The following MACROD2 variants were observed in gnomAD, a reference collection of about 807,000 sequenced individuals.
The protein encoded by MACROD2 is mono-ADP ribosylhydrolase 2, also known as ADP-ribose glycohydrolase MACROD2.
In MACROD2, 36 loss-of-function variants were observed where a neutral mutation model predicts 70.4. The ratio of observed to expected loss-of-function variants is 0.51; its 90% CI spans 0.39 to 0.68. The LOEUF (loss-of-function observed/expected upper bound fraction) is 0.68. MACROD2 is among the 30% of genes least tolerant of loss of function. MACROD2 has a pLI of 0.00. For missense variants in MACROD2, 496 were observed against 538.4 expected (o/e 0.92, Z 0.78); for synonymous variants, 172 against 178.8 (o/e 0.96, Z 0.30).
At chr20:15,524,517 A>G (rs769109943) in intron 8 of MACROD2, among the ~76,000 whole-genome samples, 4 of 152,282 alleles carry the variant, frequency 2.6e-5, no homozygotes, top group South Asian at 2.1e-4. Context: ...AAACATATCT[A>G]TGGGCCAGAT....
At chr20:15,344,552 C>T (rs960153161) in intron 6 of MACROD2, among the ~76,000 whole-genome samples, 5 of 152,080 alleles carry the variant, frequency 3.3e-5, no homozygotes, top group African/African-American at 9.7e-5. Flanking sequence ...CAGTTTTTTT[C>T]GTATAGAAAC....
At chr20:15,376,407 A>T (rs1166362613) in intron 6 of MACROD2, among the ~76,000 whole-genome samples, 1 of 152,212 alleles carries the variant, frequency 6.6e-6, no homozygotes, top group African/African-American at 2.4e-5. Context: ...ATATCTCTGC[A>T]TTGACTAACT....
At chr20:14,335,011 T>C (rs1249085945) in intron 3 of MACROD2, among the ~76,000 whole-genome samples, 1 of 152,160 alleles carries the variant, frequency 6.6e-6, no homozygotes. Flanking sequence ...GGTATGAACA[T>C]TGGCATATCA....
At chr20:14,834,843 AATATGTGTGTATATATATTT>A (rs1306766299) in intron 5 of MACROD2, among the ~76,000 whole-genome samples, 1 of 151,990 alleles carries the variant, frequency 6.6e-6, no homozygotes, top group African/African-American at 2.4e-5. Context: ...TGTCTATGAG[AATATGTGTGTATATATATTT>A]ATATGTGTGT....
At chr20:14,063,327 C>T (rs1405967322) in intron 2 of MACROD2, among the ~76,000 whole-genome samples, 1 of 152,150 alleles carries the variant, frequency 6.6e-6, no homozygotes, top group Non-Finnish European at 1.5e-5. Context: ...AGAAATTCTA[C>T]TTCTGTGGTC....
At chr20:16,037,404 G>T (rs1208895191) in intron 15 of MACROD2, among the ~76,000 whole-genome samples, 1 of 151,810 alleles carries the variant, frequency 6.6e-6, no homozygotes, top group Non-Finnish European at 1.5e-5. Flanking sequence ...AACTTAGAAA[G>T]ATATTTCCTG....
At chr20:14,531,086 G>C (rs781148379) in intron 4 of MACROD2, among the ~76,000 whole-genome samples, 1 of 152,154 alleles carries the variant, frequency 6.6e-6, no homozygotes, top group African/African-American at 2.4e-5. Flanking sequence ...TCCATTTGTG[G>C]TTTGGGGACA....
chr20:15,918,560 A>G (rs921077925), intron 10 of MACROD2, among the ~76,000 whole-genome samples: 1 of 152,218 alleles, frequency 6.6e-6, no homozygotes, highest in Non-Finnish European at 1.5e-5. Flanking sequence ...AGACACTTCT[A>G]GAAGCAAAAA....
chr20:14,206,934 A>G (rs1447556345), intron 3 of MACROD2, among the ~76,000 whole-genome samples: 2 of 152,218 alleles, frequency 1.3e-5, no homozygotes, highest in Non-Finnish European at 2.9e-5. Context: ...ATTGAATCAA[A>G]GACAACTCCT....
chr20:14,764,223 G>A (rs2072054769), intron 5 of MACROD2, among the ~76,000 whole-genome samples: 1 of 152,216 alleles, frequency 6.6e-6, no homozygotes, highest in Admixed American at 6.5e-5. Context: ...GGCAGAGGCT[G>A]TATTCCTCCA....
rs758153923 is a variant in MACROD2, at chr20:15,230,034, C to T, written c.513C>T (p.Leu171=). The T allele has an allele frequency of 1.1e-5, 18 of 1,613,090 alleles. No homozygotes were observed. The highest frequency in any genetic ancestry group is 1.5e-5 in the Non-Finnish European group (18 of 1,179,548). The change falls in exon 6 of 18, where the codon CTC becomes CTT. Residue 171 remains leucine (L), a synonymous_variant. Coordinates refer to ENST00000684519, the MANE Select transcript of MACROD2 (RefSeq NM_001351661.2). ...ATTGCTATAAATCATCTCTGAAGCT[C>T]GTGAAAGAAAATAACATCCGATCAG... ...LANCYKSSLK[L]VKENNIRSVA...
At chr20:14,366,682 A>C (rs1335254333) in intron 3 of MACROD2, among the ~76,000 whole-genome samples, 1 of 152,222 alleles carries the variant, frequency 6.6e-6, no homozygotes, top group East Asian at 1.9e-4. Flanking sequence ...TTTGACTTAA[A>C]GTCTATTTTA....
At chr20:15,342,425 G>A (rs1448450802) in intron 6 of MACROD2, among the ~76,000 whole-genome samples, 1 of 152,068 alleles carries the variant, frequency 6.6e-6, no homozygotes, top group Non-Finnish European at 1.5e-5. Flanking sequence ...TGGAGGATTT[G>A]GGTGGCAGTA....
intron 5 of MACROD2, among the ~76,000 whole-genome samples, chr20:14,690,414 G>A (rs1379165703): frequency 6.6e-6 from 1 of 152,134 alleles, no homozygotes; most frequent in Admixed American, 6.5e-5. Flanking sequence ...TCTATTCCCA[G>A]GTGCAATAAT....
At chr20:14,613,518 A>G (rs951586293) in intron 4 of MACROD2, among the ~76,000 whole-genome samples, 2 of 152,052 alleles carry the variant, frequency 1.3e-5, no homozygotes, top group Non-Finnish European at 2.9e-5. Flanking sequence ...TAAGGATCCA[A>G]TTATTTACTT....
chr20:16,030,022 A>G (rs1450058002), intron 15 of MACROD2, among the ~76,000 whole-genome samples: 1 of 152,174 alleles, frequency 6.6e-6, no homozygotes, highest in Admixed American at 6.5e-5. Context: ...AAGGCTGCAG[A>G]GGGTTTATCA....
chr20:15,738,177 G>C (rs766933937), intron 8 of MACROD2, among the ~76,000 whole-genome samples: 2 of 152,152 alleles, frequency 1.3e-5, no homozygotes, highest in Non-Finnish European at 2.9e-5. Flanking sequence ...ACATTTTAAA[G>C]TAACTGAAAC....
At chr20:14,082,177 CTTTTTTTTT>C (rs66918191) in intron 2 of MACROD2, among the ~76,000 whole-genome samples, 22 of 93,204 alleles carry the variant, frequency 2.4e-4, no homozygotes, top group Middle Eastern at 9.1e-3. Flanking sequence ...CTTTTTTTTT[CTTTTTTTTT>C]TTTTTTTTTT....
intron 8 of MACROD2, among the ~76,000 whole-genome samples, chr20:15,757,782 C>T (rs1329343797): frequency 6.6e-6 from 1 of 152,156 alleles, no homozygotes; most frequent in South Asian, 2.1e-4. Context: ...ACTCTTACCT[C>T]TCTTCCTCTT....
Sources: allele counts gnomAD v4.1 joint callset (sites outside exome capture counted in the v4.1 genomes callset), GRCh38; gene constraint gnomAD v4.1.1; transcripts MANE v1.5; gene names NCBI Gene and HGNC (gene_info 2026-07-23, HGNC 2026-07-21).